The following B3GALNT2 variants were observed in gnomAD, a reference collection of about 807,000 sequenced individuals.
B3GALNT2 encodes the protein UDP-GalNAc:beta-1,3-N-acetylgalactosaminyltransferase 2.
A neutral mutation model predicts 61.1 loss-of-function variants in B3GALNT2; 53 were observed. The ratio of observed to expected loss-of-function variants is 0.87; its 90% confidence interval spans 0.70 to 1.09. The LOEUF (loss-of-function observed/expected upper bound fraction) is 1.09. Among genes scored for constraint, B3GALNT2 ranks in the 50% least tolerant of loss-of-function variants. The pLI is 0.00. For missense variants in B3GALNT2, 544 were observed against 623.0 expected (o/e 0.87, Z 1.35); for synonymous variants, 223 against 237.4 (o/e 0.94, Z 0.56).
intron 8 of B3GALNT2, among the ~76,000 whole-genome samples, chr1:235,457,431 A>G (rs987839769): frequency 1.3e-5 from 2 of 152,136 alleles, no homozygotes; most frequent in East Asian, 3.8e-4. Context: ...GTACCAGGAA[A>G]CTCAACATAA....
rs1685756253 is a variant in B3GALNT2 at position 235,504,441 on chromosome 1, T to C, written c.-189A>G. On this transcript the variant is annotated 5_prime_UTR_variant, in exon 1 of 12. Coordinates refer to ENST00000366600, the MANE Select transcript of B3GALNT2 (RefSeq NM_152490.5). ...CTCCTCCGGTCCCTCAGACCGCGGG[T>C]GGCCGCGGCTTAGCCGGCCGAAGCC... The C allele has an allele frequency of 3.6e-6, 2 of 554,446 alleles. No homozygotes were observed. Among genetic ancestry groups the C allele is most frequent in the Non-Finnish European group, 2.9e-6 (1 of 349,080 alleles). The allele number at this position is 554,446 out of a possible 1,614,324, so 34.3% of individuals were successfully genotyped here.
At chr1:235,453,190 A>C in intron 10 of B3GALNT2, 44 bp from the exon 11 acceptor site, 1 of 1,548,964 alleles carries the variant, frequency 6.5e-7, no homozygotes, top group Non-Finnish European at 8.9e-7. Context: ...TTTTAATGCT[A>C]TTTTATTTGT....
rs367701832 is a variant in B3GALNT2, at chr1:235,448,317, A to C, written c.*1889T>G. ...GTTTTACAGGTAACTGTCATTTGAG[A>C]GAACGAATGGACTTTTCTTGTCTTT... On this transcript the variant is annotated 3_prime_UTR_variant, in exon 12 of 12. Coordinates refer to ENST00000366600, the MANE Select transcript of B3GALNT2 (RefSeq NM_152490.5). 6.3e-7 allele frequency: 1 copy of C among 1,590,896 alleles called. No homozygotes were observed. The highest frequency in any genetic ancestry group is 2.2e-5 in the East Asian group (1 of 44,764).
intron 6 of B3GALNT2, among the ~76,000 whole-genome samples, chr1:235,470,180 T>C (rs1683921289): frequency 6.6e-6 from 1 of 152,220 alleles, no homozygotes; most frequent in Non-Finnish European, 1.5e-5. Flanking sequence ...ATTATTGGCA[T>C]GAGCCACCGC....
At chr1:235,465,502 C>A (rs1475003748) in intron 7 of B3GALNT2, 134 bp downstream of exon 7, 2 of 1,346,636 alleles carry the variant, frequency 1.5e-6, no homozygotes, top group Non-Finnish European at 2.0e-6. Context: ...AACCACTGAA[C>A]CACTTTAAAA....
At chr1:235,494,655 G>A (rs1219786290) in intron 2 of B3GALNT2, 26 bp downstream of exon 2, 1 of 1,599,444 alleles carries the variant, frequency 6.3e-7, no homozygotes, top group Non-Finnish European at 8.6e-7. Flanking sequence ...AATAAACCAG[G>A]CAAGGCAACA....
Position 235,448,423 on chromosome 1 carries a change from T to G in B3GALNT2, c.*1783A>C, listed in dbSNP as rs1488758875. On this transcript the variant is annotated 3_prime_UTR_variant, in exon 12 of 12. Transcript: ENST00000366600. The stretch of plus-strand genomic sequence containing the variant: ...AGTTCCTGTGTCAGACCTTCTGTTG[T>G]CCTATGAAAGTCCCAAAGTAAGTTG... 2.5e-6 allele frequency: 4 copies of G among 1,614,116 alleles called. No homozygotes were observed. Among genetic ancestry groups the G allele is most frequent in the Non-Finnish European group, 3.4e-6 (4 of 1,180,004 alleles).
intron 4 of B3GALNT2, among the ~76,000 whole-genome samples, chr1:235,482,565 A>T (rs1455829297): frequency 1.3e-5 from 2 of 152,068 alleles, no homozygotes; most frequent in East Asian, 3.9e-4. Flanking sequence ...CAAGTGAGAC[A>T]ATGTTTAGTC....
chr1:235,465,714 C>A lies in B3GALNT2; in HGVS notation c.763G>T (p.Ala255Ser). The change falls in exon 7 of 12, where the codon GCT (alanine) becomes TCT (serine). Residue 255 changes from alanine to serine, a missense_variant and splice_region_variant. Physicochemically the swap from Ala to Ser is moderately conservative, Grantham distance 99. Transcript: ENST00000366600. ...TCATGAGGCAATGCACCCTCCCCAG[C>A]CTGAAAGGAATAAGAATGTACTCAG... ...DGGGVLRVIT[A>S]GEGALPHEFL... 2 of 1,613,594 alleles carry A rather than the reference C, an allele frequency of 1.2e-6. No individual in the cohort carries two copies. Among genetic ancestry groups the A allele is most frequent in the Non-Finnish European group, 1.7e-6 (2 of 1,179,854 alleles).
intron 3 of B3GALNT2, among the ~76,000 whole-genome samples, chr1:235,485,586 G>A (rs947612748): frequency 3.3e-5 from 5 of 152,178 alleles, no homozygotes; most frequent in Non-Finnish European, 7.3e-5. Context: ...ATGAGCCACT[G>A]TGCCCAGCCT....
intron 2 of B3GALNT2, among the ~76,000 whole-genome samples, chr1:235,491,022 T>C (rs952476552): frequency 6.6e-5 from 10 of 151,852 alleles, no homozygotes; most frequent in African/African-American, 1.9e-4. Flanking sequence ...AGAGAAAATG[T>C]TGATAATGCA....
At chr1:235,477,056 G>A (rs1039271068) in intron 5 of B3GALNT2, among the ~76,000 whole-genome samples, 11 of 151,574 alleles carry the variant, frequency 7.3e-5, no homozygotes, top group African/African-American at 2.7e-4. Context: ...ATAAAAATTA[G>A]GGGAAAAAAA....
At chr1:235,453,061 G>T (rs200967457) in intron 11 of B3GALNT2, 29 bp downstream of exon 11, 2 of 1,578,698 alleles carry the variant, frequency 1.3e-6, no homozygotes, top group Non-Finnish European at 1.7e-6. Context: ...CAACTCTTAA[G>T]AACCCTGAGG....
intron 2 of B3GALNT2, among the ~76,000 whole-genome samples, chr1:235,494,062 G>A (rs1189004655): frequency 1.3e-5 from 2 of 152,022 alleles, no homozygotes; most frequent in African/African-American, 4.8e-5. Flanking sequence ...AGGGTAGTCA[G>A]GAAAAAGAGC....
At chr1:235,497,905 A>G (rs1056355267) in intron 1 of B3GALNT2, among the ~76,000 whole-genome samples, 11 of 152,090 alleles carry the variant, frequency 7.2e-5, no homozygotes. Context: ...CCTCTTTTTG[A>G]TCTTATTCCA....
At chr1:235,446,342 A>G (rs968223542), downstream of B3GALNT2, among the ~76,000 whole-genome samples, 2 of 151,940 alleles carry the variant, frequency 1.3e-5, no homozygotes, top group African/African-American at 4.8e-5. Context: ...ATGCCTGGCT[A>G]ATTTTTGTAT....
At chr1:235,444,503 A>T (rs912220359), downstream of B3GALNT2, among the ~76,000 whole-genome samples, 5 of 152,280 alleles carry the variant, frequency 3.3e-5, no homozygotes, top group South Asian at 8.3e-4. Context: ...TCCCGGGCTC[A>T]AGTGATCCTC....
chr1:235,472,692 C>T (rs1157490733), intron 5 of B3GALNT2, among the ~76,000 whole-genome samples: 1 of 152,058 alleles, frequency 6.6e-6, no homozygotes, highest in Admixed American at 6.5e-5. Flanking sequence ...TAAAAATCAA[C>T]CAGAATTGAC....
Position 235,453,043 on chromosome 1 carries a change from C to T in B3GALNT2, c.1368+47G>A, listed in dbSNP as rs762381921. On this transcript the variant is annotated intron_variant, in intron 11 of 11. Coordinates refer to ENST00000366600, the MANE Select transcript of B3GALNT2 (RefSeq NM_152490.5). ...AACACTCAACCTGTATATAGAAATC[C>T]ACCTCCTCAACTCTTAAGAACCCTG... 6.0e-6 allele frequency: 9 copies of T among 1,498,558 alleles called. No homozygotes were observed. In the Admixed American group the frequency reaches 1.1e-4, roughly 18 times the overall value. 92.8% of individuals were successfully genotyped at this position (1,498,558 alleles called of 1,614,324 possible). A position where few individuals can be genotyped will look rare whatever the true frequency, so the allele number is the denominator to read the frequency against.
Sources: gnomAD v4.1 joint callset for allele counts (sites outside exome capture counted in the v4.1 genomes callset) on GRCh38, gnomAD v4.1.1 for gene constraint, MANE v1.5 for transcripts, NCBI Gene and HGNC (gene_info 2026-07-23, HGNC 2026-07-21) for gene names.